ABCC10: variants seen among roughly 807,000 people sequenced by gnomAD.
ABCC10 encodes ATP binding cassette subfamily C member 10.
Under a neutral mutation model 143.2 loss-of-function variants are expected in ABCC10, and 110 were observed. The ratio of observed to expected loss-of-function variants is 0.77; its 90% CI spans 0.66 to 0.90. The LOEUF is 0.90. Ranked by LOEUF, ABCC10 falls within the 40% of genes least tolerant of loss-of-function variation. ABCC10 has a pLI of 0.00. For synonymous variants in ABCC10, 805 were observed against 846.7 expected (o/e 0.95, Z 0.85); for missense variants, 1,700 against 1,900.5 (o/e 0.89, Z 1.96).
rs1377030283 is a variant in ABCC10, at chr6:43,444,223, AT to A, written c.2560del (p.Ser854LeufsTer33). 1 of 1,614,176 alleles carries A rather than the reference AT, an allele frequency of 6.2e-7. No homozygotes were observed. Among genetic ancestry groups the A allele is most frequent in the Non-Finnish European group, 8.5e-7 (1 of 1,180,030 alleles). On this transcript the variant is annotated frameshift_variant, in exon 12 of 22. Coordinates refer to ENST00000372530, the MANE Select transcript of ABCC10 (RefSeq NM_001198934.2). LOFTEE classifies it high-confidence loss of function. The part of the protein sequence containing the change: ...KEGLEEEQST[S>X]GRLLQEESKK... ...AGGGGCTGGAGGAGGAGCAGAGCAC[AT>A]CTGGTCGCCTGCTGCAGGAAGAAAG...
chr6:43,441,998 G>A (rs748921246), intron 9 of ABCC10, 38 bp downstream of exon 9: 8 of 1,583,156 alleles, frequency 5.1e-6, no homozygotes, highest in African/African-American at 2.7e-5. Flanking sequence ...CAGGGAGGTG[G>A]GGGGAGTCCA....
intron 2 of ABCC10, among the ~76,000 whole-genome samples, chr6:43,428,890 T>C (rs138506780): frequency 2.0e-5 from 3 of 152,346 alleles, no homozygotes; most frequent in African/African-American, 7.2e-5. Flanking sequence ...TTTTAATAGC[T>C]GCTCTTCTGA....
At chr6:43,432,106 C>A in intron 2 of ABCC10, 36 bp from the exon 3 acceptor site, 1 of 1,604,734 alleles carries the variant, frequency 6.2e-7, no homozygotes, top group Non-Finnish European at 8.5e-7. Flanking sequence ...CTGAGTCAGC[C>A]ACGATGTGCC....
rs142456140 is a variant in ABCC10, at chr6:43,432,172, T to A, written c.192T>A (p.Pro64=). 5.0e-6 allele frequency: 8 copies of A among 1,614,128 alleles called. No homozygotes were observed. Among genetic ancestry groups the A allele is most frequent in the Non-Finnish European group, 6.8e-6 (8 of 1,180,050 alleles). ...RSPDYILPCS[P]GWRLRLAASF... ...CAGATTACATCCTACCCTGCAGTCC[T>A]GGATGGCGCCTCCGACTTGCAGCTT... Residue 64 remains proline (P), a synonymous_variant, in exon 3 of 22, where the codon CCT becomes CCA. Transcript: ENST00000372530.
At chr6:43,436,435 A>G (rs1277431341) in intron 6 of ABCC10, among the ~76,000 whole-genome samples, 188 bp downstream of exon 6, 1 of 152,154 alleles carries the variant, frequency 6.6e-6, no homozygotes, top group East Asian at 1.9e-4. Context: ...GAATCTCAGA[A>G]TAGTTGCACC....
intron 6 of ABCC10, 84 bp from the exon 7 acceptor site, chr6:43,437,850 C>T (rs1367517999): frequency 2.3e-5 from 31 of 1,368,080 alleles, no homozygotes; most frequent in Non-Finnish European, 3.1e-5. Flanking sequence ...GGAGGACTGG[C>T]AGCCCAGAGT....
chr6:43,438,587 G>A, intron 7 of ABCC10, 37 bp from the exon 8 acceptor site: 1 of 1,607,852 alleles, frequency 6.2e-7, no homozygotes, highest in Non-Finnish European at 8.5e-7. Flanking sequence ...ACCCAGAGGA[G>A]AGCTGGTCCT....
intron 15 of ABCC10, 125 bp downstream of exon 15, chr6:43,446,067 G>A (rs1010957197): frequency 3.3e-6 from 4 of 1,216,014 alleles, no homozygotes; most frequent in Non-Finnish European, 4.5e-6. Context: ...GGGGAAGGAG[G>A]AAAGCAACAG....
rs775335901 is a variant in ABCC10, at chr6:43,445,648, G to A, written c.3080G>A (p.Arg1027His). The A allele has an allele frequency of 4.6e-5, 75 of 1,613,836 alleles. No individual in the cohort carries two copies. The highest frequency in any genetic ancestry group is 5.9e-5 in the Non-Finnish European group (70 of 1,179,916). ...NATPTGRILNRFSSDVACADD... is the reference protein window; with the variant it reads ...NATPTGRILNHFSSDVACADD... ...ACACCCACGGGCCGGATCCTAAACC[G>A]CTTCTCCTCTGATGTGGCCTGTGCG... Residue 1027 changes from arginine to histidine, a missense_variant, in exon 15 of 22, where the codon CGC becomes CAC. Physicochemically the swap from Arg to His is conservative, Grantham distance 29. Transcript: ENST00000372530.
rs137911614 is a variant in ABCC10, at chr6:43,436,130, C to A, written c.1766-8C>A. The A allele has an allele frequency of 1.2e-6, 2 of 1,614,106 alleles. No homozygotes were observed. Among genetic ancestry groups the A allele is most frequent in the Non-Finnish European group, 1.7e-6 (2 of 1,180,032 alleles). On this transcript the variant is annotated splice_region_variant and splice_polypyrimidine_tract_variant and intron_variant, in intron 5 of 21. Transcript: ENST00000372530. ...TAGGAGCCCAAATCAAGTGGCTTCTCTGTTCAGATCCCCCTGCAGAGCCAT... is the reference window on the plus strand; with the variant it reads ...TAGGAGCCCAAATCAAGTGGCTTCTATGTTCAGATCCCCCTGCAGAGCCAT...
intron 3 of ABCC10, 59 bp from the exon 4 acceptor site, chr6:43,434,562 A>G (rs768281042): frequency 6.7e-7 from 1 of 1,499,466 alleles, no homozygotes; most frequent in East Asian, 2.3e-5. Context: ...AAGGCTTGGC[A>G]GGGAAGACAC....
chr6:43,433,538 C>T (rs1781362803), intron 3 of ABCC10, among the ~76,000 whole-genome samples, 178 bp downstream of exon 3: 1 of 152,228 alleles, frequency 6.6e-6, no homozygotes, highest in Admixed American at 6.5e-5. Flanking sequence ...TCAATCACTT[C>T]AGACAAGTCA....
Position 43,435,904 on chromosome 6 carries a change from C to A in ABCC10, c.1762C>A (p.Pro588Thr). 2 of 1,614,042 alleles carry A rather than the reference C, an allele frequency of 1.2e-6. No individual in the cohort carries two copies. Among genetic ancestry groups the A allele is most frequent in the Non-Finnish European group, 1.7e-6 (2 of 1,180,006 alleles). ...PNHNPQAYYS[P>T]DPPAEPSTVL... The stretch of plus-strand genomic sequence containing the variant: ...CCACAACCCCCAGGCCTACTACAGC[C>A]CAGGTAATGGGAAGCTAGTGGGCAG... The change falls in exon 5 of 22, where the codon CCA (proline) becomes ACA (threonine). Residue 588 changes from proline to threonine, a missense_variant. Physicochemically the swap from Pro to Thr is conservative, Grantham distance 38. Coordinates refer to ENST00000372530, the MANE Select transcript of ABCC10 (RefSeq NM_001198934.2).
rs778012187 is a variant in ABCC10 at position 43,447,324 on chromosome 6, G to C, written c.3621G>C (p.Gln1207His). The C allele has an allele frequency of 9.3e-6, 15 of 1,613,592 alleles. No homozygotes were observed. The highest frequency in any genetic ancestry group is 1.1e-5 in the Non-Finnish European group (13 of 1,179,988). ...CGGGCCTGGTGAGCAGCTTCACACA[G>C]ACAGAGGCCATGCTGGTGAGCGTCG... ...LLSGLVSSFT[Q>H]TEAMLVSVER... The change falls in exon 17 of 22, where the codon CAG becomes CAC. Residue 1207 changes from glutamine to histidine, a missense_variant. Transcript: ENST00000372530.
chr6:43,451,369 T>C (rs574516056), downstream of ABCC10: 4 of 1,467,982 alleles, frequency 2.7e-6, no homozygotes, highest in South Asian at 4.0e-5. The surrounding 1 kb of genome is among the most constrained non-coding windows in gnomAD (Gnocchi z 4.4). Flanking sequence ...CCATGTCATC[T>C]TGGGCTACAC....
downstream of ABCC10, chr6:43,451,355 C>T (rs1783722002): frequency 1.3e-6 from 2 of 1,505,300 alleles, no homozygotes; most frequent in Admixed American, 2.1e-5. The surrounding 1 kb of genome is among the most constrained non-coding windows in gnomAD (Gnocchi z 4.4). Flanking sequence ...CTGACCACTG[C>T]CCGCCATGTC....
At chr6:43,442,209 C>T in intron 9 of ABCC10, 1 of 329,414 alleles carries the variant, frequency 3.0e-6, no homozygotes, top group Non-Finnish European at 5.7e-6. Flanking sequence ...CTTTGGGAGG[C>T]CAAGGCAGGA....
downstream of ABCC10, chr6:43,451,117 C>T (rs751519195): frequency 6.8e-6 from 11 of 1,614,102 alleles, no homozygotes; most frequent in South Asian, 3.3e-5. This position sits in a 1 kb window ranked among gnomAD's most constrained non-coding sequence, Gnocchi z 4.4. Context: ...CGGTTTATGC[C>T]GTCAAGGCAG....
At chr6:43,446,153 T>C in intron 15 of ABCC10, 124 bp from the exon 16 acceptor site, 1 of 1,265,966 alleles carries the variant, frequency 7.9e-7, no homozygotes, top group Admixed American at 2.2e-5. Context: ...GAGGGAGGCC[T>C]GTGGGTATAC....
Sources: gnomAD v4.1 joint callset for allele counts (sites outside exome capture counted in the v4.1 genomes callset) on GRCh38, gnomAD v4.1.1 for gene constraint, Gnocchi (gnomAD v3.1) non-coding constraint, MANE v1.5 for transcripts, NCBI Gene and HGNC (gene_info 2026-07-23, HGNC 2026-07-21) for gene names.